Variants in NKX2-3 observed in about 807,000 individuals in gnomAD.
NKX2-3 encodes NK2 homeobox 3.
In NKX2-3, 3 loss-of-function variants were observed where a neutral mutation model predicts 14.2. The ratio of observed to expected loss-of-function variants is 0.21; its 90% CI spans 0.10 to 0.55. The LOEUF (loss-of-function observed/expected upper bound fraction) is 0.55, where lower values mean the gene tolerates loss of function less well. Among genes scored for constraint, NKX2-3 ranks in the 20% least tolerant of loss-of-function variants. NKX2-3 has a pLI of 0.94. For missense variants in NKX2-3, 511 were observed against 514.5 expected (o/e 0.99, Z 0.06); for synonymous variants, 276 against 234.2 (o/e 1.18, Z -1.63).
At position 99,535,649 on chromosome 10, in the gene NKX2-3, G is replaced by A; in HGVS notation, c.1023G>A (p.Gln341=). The stretch of plus-strand genomic sequence containing the variant: ...GCTTCGGCAGCGGCGGCAGCGCACA[G>A]CCGTTGCACCAGGGTACTGCAGCCG... ...LGGFGSGGSA[Q]PLHQGTAAGA... is the part of the protein sequence containing the mutation. Residue 341 remains glutamine, a synonymous_variant, in exon 2 of 2, where the codon CAG becomes CAA. Transcript: ENST00000344586. 1 of 1,536,540 alleles carries A rather than the reference G, an allele frequency of 6.5e-7. No homozygotes were observed. The highest frequency in any genetic ancestry group is 1.2e-5 in the South Asian group (1 of 83,986).
chr10:99,533,373 G>A lies in NKX2-3; in HGVS notation c.242G>A (p.Gly81Asp), dbSNP rs2033931785. The A allele has an allele frequency of 1.2e-6, 2 of 1,609,942 alleles. No homozygotes were observed. The highest frequency in any genetic ancestry group is 2.7e-5 in the African/African-American group (2 of 74,916). Residue 81 changes from glycine (G) to aspartate (D), a missense_variant, in exon 1 of 2, where the codon GGC (glycine) becomes GAC (aspartate). By Grantham distance (94) the Gly-to-Asp change is moderately conservative. Coordinates refer to ENST00000344586, the MANE Select transcript of NKX2-3 (RefSeq NM_145285.3). ...TTGAACTCACTAGCCGCAGCAGACG[G>A]CCACGGGGATTCAGGGCTGTGTCCC... ...SYLNSLAAADGHGDSGLCPQG... is the reference protein window; with the variant it reads ...SYLNSLAAADDHGDSGLCPQG...
chr10:99,536,071 G>C lies in NKX2-3; in HGVS notation c.*350G>C, dbSNP rs971875769. On this transcript the variant is annotated 3_prime_UTR_variant, in exon 2 of 2. Transcript: ENST00000344586. ...GGCTTCTCTCCCTCTGCCTTTCCGC[G>C]GCCTCCGCGAAGCGTTGGCGGGGAG... 6.8e-6 allele frequency: 2 copies of C among 296,172 alleles called. No homozygotes were observed. The highest frequency in any genetic ancestry group is 4.4e-5 in the African/African-American group (2 of 44,972). 18.3% of individuals were successfully genotyped at this position (296,172 alleles called of 1,614,324 possible).
In NKX2-3 at chr10:99,535,442, G is replaced by T; in HGVS notation, c.816G>T (p.Ala272=). ...FPAYGYGNSA[A]AAAAAAAAAA... is the part of the protein sequence containing the mutation. ...CCTACGGCTATGGGAACTCGGCCGCGGCCGCCGCCGCCGCCGCCGCCGCCG... is the reference window on the plus strand; with the variant it reads ...CCTACGGCTATGGGAACTCGGCCGCTGCCGCCGCCGCCGCCGCCGCCGCCG... The change falls in exon 2 of 2, where the codon GCG becomes GCT. Residue 272 remains alanine (A), a synonymous_variant. Transcript: ENST00000344586. 1 of 1,311,064 alleles carries T rather than the reference G, an allele frequency of 7.6e-7. No individual in the cohort carries two copies. Among genetic ancestry groups the T allele is most frequent in the Non-Finnish European group, 9.7e-7 (1 of 1,026,650 alleles). 81.2% of individuals were successfully genotyped at this position (1,311,064 alleles called of 1,614,324 possible).
Position 99,535,550 on chromosome 10 carries a change from G to C in NKX2-3, c.924G>C (p.Ala308=). The C allele has an allele frequency of 7.1e-7, 1 of 1,403,962 alleles. No individual in the cohort carries two copies. Among genetic ancestry groups the C allele is most frequent in the Non-Finnish European group, 9.2e-7 (1 of 1,088,628 alleles). The allele number at this position is 1,403,962 out of a possible 1,614,324, so 87.0% of individuals were successfully genotyped here. A position where few individuals can be genotyped will look rare whatever the true frequency, so the allele number is the denominator to read the frequency against. ...GCGGCGGCGGCGGCGGGACCTCCGCGGCGACCACTGCCATGCAGCCCGCCT... is the reference window on the plus strand; with the variant it reads ...GCGGCGGCGGCGGCGGGACCTCCGCCGCGACCACTGCCATGCAGCCCGCCT... ...GGGGGGGGTS[A]ATTAMQPACS... is the part of the protein sequence containing the mutation. The change falls in exon 2 of 2, where the codon GCG becomes GCC. Residue 308 remains alanine (A), a synonymous_variant. Transcript: ENST00000344586.
chr10:99,535,434 T>TCGGCCG lies in NKX2-3; in HGVS notation c.816_821dup (p.Ala285_Ala286dup), dbSNP rs1589973496. 9.0e-6 allele frequency: 12 copies of TCGGCCG among 1,327,820 alleles called. No homozygotes were observed. Among genetic ancestry groups the TCGGCCG allele is most frequent in the East Asian group, 3.7e-5 (1 of 26,962 alleles). The allele number at this position is 1,327,820 out of a possible 1,614,324, so 82.3% of individuals were successfully genotyped here. On this transcript the variant is annotated inframe_insertion, in exon 2 of 2. Coordinates refer to ENST00000344586, the MANE Select transcript of NKX2-3 (RefSeq NM_145285.3). The stretch of plus-strand genomic sequence containing the variant: ...CTTCCCCGCCTACGGCTATGGGAAC[T>TCGGCCG]CGGCCGCGGCCGCCGCCGCCGCCGC...
rs1258447682 is a variant in NKX2-3, at chr10:99,534,557, C to G, written c.359-428C>G. Among the ~76,000 whole-genome samples, 10 of 152,232 alleles carry G rather than the reference C, an allele frequency of 6.6e-5. No homozygotes were observed. The East Asian group carries it at 1.9e-3, about 29-fold the overall frequency. ...GAACAGATTTTCGCGCAACCCATGC[C>G]CACCGGCCCACTCATACCAACACGC... On this transcript the variant is annotated intron_variant, in intron 1 of 1. Coordinates refer to ENST00000344586, the MANE Select transcript of NKX2-3 (RefSeq NM_145285.3).
Position 99,535,031 on chromosome 10 carries a change from G to A in NKX2-3, c.405G>A (p.Lys135=). The A allele has an allele frequency of 6.2e-7, 1 of 1,606,524 alleles. No individual in the cohort carries two copies. Among genetic ancestry groups the A allele is most frequent in the Non-Finnish European group, 8.5e-7 (1 of 1,177,020 alleles). ...KKSLETAGDC[K]AAEESERPKP... The stretch of plus-strand genomic sequence containing the variant: ...CTCTAGAGACGGCCGGAGACTGCAA[G>A]GCGGCGGAGGAGAGCGAGAGGCCGA... The change falls in exon 2 of 2, where the codon AAG becomes AAA. Residue 135 remains lysine, a synonymous_variant. Transcript: ENST00000344586.
rs949144471 is a variant in NKX2-3 at position 99,535,833 on chromosome 10, G to T, written c.*112G>T. On this transcript the variant is annotated 3_prime_UTR_variant, in exon 2 of 2. Transcript: ENST00000344586. ...GTCCCCTCGTTAAAAAAATATGTAC[G>T]TCTAGCTCCTCAGGGCTTCGGATCG... is the stretch of plus-strand genomic sequence containing the variant. The T allele has an allele frequency of 4.1e-6, 5 of 1,212,452 alleles. No homozygotes were observed. The highest frequency in any genetic ancestry group is 1.6e-5 in the African/African-American group (1 of 62,210). The allele number at this position is 1,212,452 out of a possible 1,614,324, so 75.1% of individuals were successfully genotyped here. A position where few individuals can be genotyped will look rare whatever the true frequency, so the allele number is the denominator to read the frequency against.
chr10:99,535,398 T>C lies in NKX2-3; in HGVS notation c.772T>C (p.Ser258Pro), dbSNP rs2033957103. 1.4e-6 allele frequency: 2 copies of C among 1,428,410 alleles called. No homozygotes were observed. Among genetic ancestry groups the C allele is most frequent in the Non-Finnish European group, 1.8e-6 (2 of 1,094,820 alleles). 88.5% of individuals were successfully genotyped at this position (1,428,410 alleles called of 1,614,324 possible). A position where few individuals can be genotyped will look rare whatever the true frequency, so the allele number is the denominator to read the frequency against. ...CTACAGCGTGGGCGCCAGCGCCTACTCCTACAACAGCTTCCCCGCCTACGG... is the reference window on the plus strand; with the variant it reads ...CTACAGCGTGGGCGCCAGCGCCTACCCCTACAACAGCTTCCCCGCCTACGG... ...APYSVGASAY[S>P]YNSFPAYGYG... The change falls in exon 2 of 2, where the codon TCC becomes CCC. Residue 258 changes from serine (S) to proline (P), a missense_variant. Ser to Pro is a moderately conservative substitution (Grantham distance 74, BLOSUM62 -1). Around this residue, in one of 3 missense-constraint regions of NKX2-3, gnomAD observed 264 missense variants for 254.7 expected, o/e 1.04. Coordinates refer to ENST00000344586, the MANE Select transcript of NKX2-3 (RefSeq NM_145285.3).
intron 1 of NKX2-3, among the ~76,000 whole-genome samples, chr10:99,533,710 C>A (rs960057862): frequency 8.5e-5 from 13 of 152,316 alleles, no homozygotes; most frequent in Admixed American, 4.6e-4. Context: ...CTACTCCCCC[C>A]AAAAGGGGGA....
In NKX2-3 at chr10:99,533,034, C is replaced by A; in HGVS notation, c.-98C>A. 1.2e-6 allele frequency: 1 copy of A among 831,214 alleles called. No individual in the cohort carries two copies. The highest frequency in any genetic ancestry group is 1.9e-6 in the Non-Finnish European group (1 of 517,818). The allele number at this position is 831,214 out of a possible 1,614,324, so 51.5% of individuals were successfully genotyped here. ...CGCGTCTGTCAAAAGCCCGACTCGGCAGCAGCGGCGGAGTCCAGGAGGAGA... is the reference window on the plus strand; with the variant it reads ...CGCGTCTGTCAAAAGCCCGACTCGGAAGCAGCGGCGGAGTCCAGGAGGAGA... On this transcript the variant is annotated 5_prime_UTR_variant, in exon 1 of 2. Coordinates refer to ENST00000344586, the MANE Select transcript of NKX2-3 (RefSeq NM_145285.3).
At chr10:99,533,531 C>A in intron 1 of NKX2-3, 42 bp downstream of exon 1, 10 of 1,414,448 alleles carry the variant, frequency 7.1e-6, no homozygotes, top group South Asian at 1.3e-5. Flanking sequence ...ACACCTGGAG[C>A]AATGGCAGAG....
In NKX2-3 at chr10:99,535,484, C is replaced by T; in HGVS notation, c.858C>T (p.Ala286=). ...CCGCCGCCGCCGCAGCAGCGGCGGC[C>T]TACAGCAGCAGCTATGGCTGTGCGT... ...AAAAAAAAAA[A]YSSSYGCAYP... The change falls in exon 2 of 2, where the codon GCC becomes GCT. Residue 286 remains alanine (A), a synonymous_variant. Coordinates refer to ENST00000344586, the MANE Select transcript of NKX2-3 (RefSeq NM_145285.3). 1 of 1,232,750 alleles carries T rather than the reference C, an allele frequency of 8.1e-7. No homozygotes were observed. The highest frequency in any genetic ancestry group is 1.0e-6 in the Non-Finnish European group (1 of 981,558). The allele number at this position is 1,232,750 out of a possible 1,614,324, so 76.4% of individuals were successfully genotyped here.
chr10:99,533,220 C>G lies in NKX2-3; in HGVS notation c.89C>G (p.Ala30Gly). 4 of 1,609,886 alleles carry G rather than the reference C, an allele frequency of 2.5e-6. No homozygotes were observed. The highest frequency in any genetic ancestry group is 3.4e-6 in the Non-Finnish European group (4 of 1,176,724). The change falls in exon 1 of 2, where the codon GCG becomes GGG. Residue 30 changes from alanine to glycine, a missense_variant. By Grantham distance (60) the Ala-to-Gly change is moderately conservative. This residue lies in a region of NKX2-3 where 243 missense variants were observed against 242.3 expected (regional missense o/e 1.00). Coordinates refer to ENST00000344586, the MANE Select transcript of NKX2-3 (RefSeq NM_145285.3). ...CAGCAGCACCAGCACTTCCATGGTG[C>G]GCACTTGCAGGCGGACTTGGAGCAC... Reference protein sequence around the residue: ...LEQQHQHFHGAHLQADLEHHF... With the variant: ...LEQQHQHFHGGHLQADLEHHF...
intron 1 of NKX2-3, 92 bp downstream of exon 1, chr10:99,533,581 C>T: frequency 2.0e-6 from 2 of 1,001,558 alleles, no homozygotes; most frequent in Non-Finnish European, 2.9e-6. Flanking sequence ...GCGCAGCTGC[C>T]CATCCCTTTA....
Position 99,533,303 on chromosome 10 carries a change from G to A in NKX2-3, c.172G>A (p.Gly58Arg), listed in dbSNP as rs374176845. 1.2e-6 allele frequency: 2 copies of A among 1,613,638 alleles called. No homozygotes were observed. The highest frequency in any genetic ancestry group is 2.7e-5 in the African/African-American group (2 of 74,914). The change falls in exon 1 of 2, where the codon GGA (glycine) becomes AGA (arginine). Residue 58 changes from glycine to arginine, a missense_variant. This residue lies in a region of NKX2-3 where 243 missense variants were observed against 242.3 expected (regional missense o/e 1.00). Transcript: ENST00000344586. ...CGCTGAGGGGACGCAATTTTCTGAC[G>A]GAGGGGAGGAGGACGAGGAAGACGA... ...AAAEGTQFSD[G>R]GEEDEEDEGE...
Position 99,535,527 on chromosome 10 carries a change from G to T in NKX2-3, c.901G>T (p.Gly301Cys). ...YGCAYPAGGGGGGGGTSAATT... is the reference protein window; with the variant it reads ...YGCAYPAGGGCGGGGTSAATT... ...CTGTGCGTACCCGGCGGGCGGCGGC[G>T]GCGGCGGCGGCGGGACCTCCGCGGC... The change falls in exon 2 of 2, where the codon GGC becomes TGC. Residue 301 changes from glycine (G) to cysteine (C), a missense_variant. This residue lies in a region of NKX2-3 where 264 missense variants were observed against 254.7 expected (regional missense o/e 1.04). Coordinates refer to ENST00000344586, the MANE Select transcript of NKX2-3 (RefSeq NM_145285.3). 1 of 1,280,694 alleles carries T rather than the reference G, an allele frequency of 7.8e-7. No individual in the cohort carries two copies. The allele number at this position is 1,280,694 out of a possible 1,614,324, so 79.3% of individuals were successfully genotyped here.
Position 99,535,415 on chromosome 10 carries a change from C to G in NKX2-3, c.789C>G (p.Pro263=), listed in dbSNP as rs764133324. 1 of 1,428,596 alleles carries G rather than the reference C, an allele frequency of 7.0e-7. No homozygotes were observed. The highest frequency in any genetic ancestry group is 9.1e-7 in the Non-Finnish European group (1 of 1,093,462). 88.5% of individuals were successfully genotyped at this position (1,428,596 alleles called of 1,614,324 possible). A position where few individuals can be genotyped will look rare whatever the true frequency, so the allele number is the denominator to read the frequency against. ...GASAYSYNSF[P]AYGYGNSAAA... is the part of the protein sequence containing the mutation. ...GCGCCTACTCCTACAACAGCTTCCC[C>G]GCCTACGGCTATGGGAACTCGGCCG... The change falls in exon 2 of 2, where the codon CCC becomes CCG. Residue 263 remains proline (P), a synonymous_variant. Transcript: ENST00000344586.
rs769597903 is a variant in NKX2-3, at chr10:99,535,748, C to G, written c.*27C>G. 1 of 1,520,978 alleles carries G rather than the reference C, an allele frequency of 6.6e-7. No homozygotes were observed. The highest frequency in any genetic ancestry group is 2.1e-5 in the Admixed American group (1 of 48,306). 94.2% of individuals were successfully genotyped at this position (1,520,978 alleles called of 1,614,324 possible). Reference sequence around the variant, plus strand: ...GACGGGGCGGGTCACGCGGCGGGCACCCCAGCGCAGCCTGGCGCCGCGGGA... The same window carrying G: ...GACGGGGCGGGTCACGCGGCGGGCAGCCCAGCGCAGCCTGGCGCCGCGGGA... On this transcript the variant is annotated 3_prime_UTR_variant, in exon 2 of 2. Transcript: ENST00000344586.
Sources: allele counts gnomAD v4.1 joint callset (sites outside exome capture counted in the v4.1 genomes callset), GRCh38; gene constraint gnomAD v4.1.1; regional missense constraint gnomAD v4.1.1; transcripts MANE v1.5; gene names NCBI Gene and HGNC (gene_info 2026-07-23, HGNC 2026-07-21).